Variants in SORCS2 observed in about 807,000 individuals in gnomAD.
SORCS2 encodes VPS10 domain-containing receptor SorCS2.
Under a neutral mutation model 141.6 loss-of-function variants are expected in SORCS2, and 100 were observed. That is an observed-to-expected ratio of 0.71 (90% CI 0.60 to 0.83). The LOEUF is 0.83. Ranked by LOEUF, SORCS2 falls within the 40% of genes least tolerant of loss-of-function variation. SORCS2 has a pLI of 0.00. For missense variants in SORCS2, 1,646 were observed against 1,560.2 expected (o/e 1.05, Z -0.93); for synonymous variants, 789 against 676.9 (o/e 1.17, Z -2.57).
chr4:7,296,056 G>A (rs1717027573), intron 1 of SORCS2, among the ~76,000 whole-genome samples: 1 of 152,232 alleles, frequency 6.6e-6, no homozygotes, highest in South Asian at 2.1e-4. Flanking sequence ...GGGCCACAGG[G>A]AGAAATGCGA....
chr4:7,360,785 A>G (rs1463117429), intron 1 of SORCS2, among the ~76,000 whole-genome samples: 1 of 151,198 alleles, frequency 6.6e-6, no homozygotes, highest in African/African-American at 2.4e-5. Flanking sequence ...GGGTTTCACC[A>G]TGTTGCCAAG....
intron 9 of SORCS2, among the ~76,000 whole-genome samples, chr4:7,677,503 C>T (rs1399498943): frequency 2.0e-5 from 3 of 152,162 alleles, no homozygotes; most frequent in African/African-American, 7.2e-5. Context: ...GTGCCCTCCT[C>T]TTGGGACCCC....
intron 8 of SORCS2, among the ~76,000 whole-genome samples, chr4:7,668,876 A>G (rs934108114): frequency 1.6e-4 from 24 of 152,076 alleles, no homozygotes; most frequent in Admixed American, 3.3e-4. Flanking sequence ...GAAAGTGCAC[A>G]GCCGAGAATT....
At chr4:7,642,060 G>T (rs1720786585) in intron 4 of SORCS2, among the ~76,000 whole-genome samples, 1 of 152,178 alleles carries the variant, frequency 6.6e-6, no homozygotes, top group Admixed American at 6.5e-5. Context: ...GGATGGGGAT[G>T]GTTGGTTAGA....
At chr4:7,310,919 C>A (rs1167422181) in intron 1 of SORCS2, among the ~76,000 whole-genome samples, 1 of 152,140 alleles carries the variant, frequency 6.6e-6, no homozygotes, top group Non-Finnish European at 1.5e-5. Flanking sequence ...TTCAAAAGAA[C>A]AGTTTTATTG....
intron 2 of SORCS2, among the ~76,000 whole-genome samples, chr4:7,440,663 C>A (rs1350591147): frequency 6.6e-6 from 1 of 152,220 alleles, no homozygotes; most frequent in Non-Finnish European, 1.5e-5. Context: ...TCCCCTCTGC[C>A]TGGTCACCAA....
chr4:7,367,344 C>T (rs1721958955), intron 1 of SORCS2, among the ~76,000 whole-genome samples: 2 of 152,342 alleles, frequency 1.3e-5, no homozygotes, highest in South Asian at 4.1e-4. Context: ...GCCATTTGGA[C>T]CCTCACAGCC....
intron 22 of SORCS2, among the ~76,000 whole-genome samples, chr4:7,729,302 T>C (rs1727437570): frequency 1.3e-5 from 2 of 151,968 alleles, no homozygotes; most frequent in Admixed American, 1.3e-4. Flanking sequence ...CTCACTCTAG[T>C]CATGGTCTGA....
chr4:7,570,063 C>A (rs755317891), intron 3 of SORCS2, among the ~76,000 whole-genome samples: 1 of 152,108 alleles, frequency 6.6e-6, no homozygotes, highest in Non-Finnish European at 1.5e-5. Flanking sequence ...AGAGCAGGGC[C>A]CCCATAAATC....
At chr4:7,199,842 T>C (rs1727387864) in intron 1 of SORCS2, among the ~76,000 whole-genome samples, 1 of 151,736 alleles carries the variant, frequency 6.6e-6, no homozygotes, top group African/African-American at 2.4e-5. Context: ...CCTGAGAAGC[T>C]CCCAAACCCA....
rs148986562 is a variant in SORCS2, at chr4:7,237,908, C to T, written c.480+44782C>T. Among the ~76,000 whole-genome samples, 873 of 152,076 alleles carry T rather than the reference C, an allele frequency of 5.7e-3. 7 individuals are homozygous for T. Among genetic ancestry groups the T allele is most frequent in the African/African-American group, 0.02 (818 of 41,470 alleles). On this transcript the variant is annotated intron_variant, in intron 1 of 26. Coordinates refer to ENST00000507866, the MANE Select transcript of SORCS2 (RefSeq NM_020777.3). ...CATGATCCATCTGAAATGTGTGTGC[C>T]GTTTTCCTTTTGCTTCTAAATTAGA...
intron 3 of SORCS2, among the ~76,000 whole-genome samples, chr4:7,560,470 C>T (rs1270258092): frequency 2.0e-5 from 3 of 152,016 alleles, no homozygotes; most frequent in African/African-American, 7.2e-5. Context: ...TGACAGTGGC[C>T]ATCTCTAAGG....
intron 1 of SORCS2, among the ~76,000 whole-genome samples, chr4:7,238,585 C>CTG (rs1174388936): frequency 6.6e-6 from 1 of 152,002 alleles, no homozygotes; most frequent in East Asian, 1.9e-4. Flanking sequence ...ATGTGTGTGC[C>CTG]TGTGTGTGTG....
rs1027259511 is a variant in SORCS2 at position 7,393,016 on chromosome 4, G to T, written c.481-3272G>T. 3.9e-5 allele frequency among the ~76,000 whole-genome samples: 6 copies of T among 152,204 alleles called. No individual in the cohort carries two copies. In the South Asian group the frequency reaches 8.3e-4, roughly 21 times the overall value. On this transcript the variant is annotated intron_variant, in intron 1 of 26. Coordinates refer to ENST00000507866, the MANE Select transcript of SORCS2 (RefSeq NM_020777.3). ...GGCCCATTTGGTGACATGGCTTTGGGAGAATAGGAACAGATTCGTGCACTG... is the reference window on the plus strand; with the variant it reads ...GGCCCATTTGGTGACATGGCTTTGGTAGAATAGGAACAGATTCGTGCACTG...
intron 2 of SORCS2, among the ~76,000 whole-genome samples, chr4:7,471,063 A>G (rs769339037): frequency 6.6e-6 from 1 of 152,038 alleles, no homozygotes. Flanking sequence ...CCAAGGGAGG[A>G]GATTTCTAGG....
At chr4:7,251,539 C>T (rs1167171122) in intron 1 of SORCS2, among the ~76,000 whole-genome samples, 1 of 152,130 alleles carries the variant, frequency 6.6e-6, no homozygotes, top group African/African-American at 2.4e-5. Context: ...AGTACTGGAT[C>T]AAGATGACCA....
intron 2 of SORCS2, among the ~76,000 whole-genome samples, chr4:7,509,571 T>C (rs1439980225): frequency 6.6e-6 from 1 of 152,156 alleles, no homozygotes; most frequent in Non-Finnish European, 1.5e-5. Flanking sequence ...GGGGCCTCCA[T>C]CATCCCCATT....
chr4:7,338,274 G>T, intron 1 of SORCS2, among the ~76,000 whole-genome samples: 1 of 147,062 alleles, frequency 6.8e-6, no homozygotes, highest in Non-Finnish European at 1.5e-5. Flanking sequence ...CATGGATGTC[G>T]GTTGGATGGA....
chr4:7,588,407 A>C (rs1338552509), intron 3 of SORCS2, among the ~76,000 whole-genome samples: 29 of 152,070 alleles, frequency 1.9e-4, no homozygotes. Context: ...AAATCCCTAC[A>C]TTTCTCCTTG....
Sources: allele counts gnomAD v4.1 joint callset (sites outside exome capture counted in the v4.1 genomes callset), GRCh38; gene constraint gnomAD v4.1.1; transcripts MANE v1.5; gene names NCBI Gene and HGNC (gene_info 2026-07-23, HGNC 2026-07-21).